PCDHGA1: variants seen among roughly 807,000 people sequenced by gnomAD.
PCDHGA1 encodes the protein protocadherin gamma-A1.
In PCDHGA1, 32 loss-of-function variants were observed where a neutral mutation model predicts 58.0. The ratio of observed to expected loss-of-function variants is 0.55; its 90% CI spans 0.42 to 0.74. The LOEUF is 0.74. PCDHGA1 is among the 30% of genes least tolerant of loss of function. The pLI, the probability that PCDHGA1 is intolerant of heterozygous loss-of-function variation, is 0.00. For missense variants in PCDHGA1, 1,205 were observed against 1,182.3 expected, an observed-to-expected ratio of 1.02 and a Z score of -0.28; for synonymous variants, 498 against 501.1, an observed-to-expected ratio of 0.99 and a Z score of 0.08.
chr5:141,356,135 CTGGATTCTATGACA>C (rs779609652), intron 1 of PCDHGA1: 2 of 1,613,762 alleles, frequency 1.2e-6, no homozygotes, highest in Non-Finnish European at 1.7e-6. Context: ...TATGAGGACT[CTGGATTCTATGACA>C]TAGATGTAGA....
chr5:141,405,770 G>A (rs989163026), intron 1 of PCDHGA1, among the ~76,000 whole-genome samples: 9 of 152,030 alleles, frequency 5.9e-5, no homozygotes, highest in South Asian at 4.2e-4. Flanking sequence ...GAGCCACTGC[G>A]CCTGGCCCTT....
intron 1 of PCDHGA1, chr5:141,340,583 G>A (rs749787210): frequency 1.9e-6 from 3 of 1,614,102 alleles, no homozygotes; most frequent in East Asian, 2.2e-5. Context: ...GCGGGACAGC[G>A]GGAACCCTCC....
At chr5:141,359,971 G>C (rs1203872365) in intron 1 of PCDHGA1, 1 of 696,752 alleles carries the variant, frequency 1.4e-6, no homozygotes, top group East Asian at 3.0e-5. Context: ...GAAGCGTTTG[G>C]GAGCCTCTTA....
chr5:141,431,904 T>A lies in PCDHGA1; in HGVS notation c.2422-62903T>A. On this transcript the variant is annotated intron_variant, in intron 1 of 3. Transcript: ENST00000517417. The surrounding 1 kb of genome is among the most constrained non-coding windows in gnomAD (Gnocchi z 4.8). ...CAAGATTCTGAGGAAAACGGACAGG[T>A]GATCTGTTTCATCCAAGGAAATCTG... is the stretch of plus-strand genomic sequence containing the variant. 1 of 1,613,846 alleles carries A rather than the reference T, an allele frequency of 6.2e-7. No individual in the cohort carries two copies. Among genetic ancestry groups the A allele is most frequent in the Non-Finnish European group, 8.5e-7 (1 of 1,179,708 alleles).
Position 141,409,997 on chromosome 5 carries a change from G to A in PCDHGA1, c.2421+76892G>A. 1.9e-6 allele frequency: 3 copies of A among 1,613,224 alleles called. No homozygotes were observed. The African/African-American group carries it at 4.0e-5, about 22-fold the overall frequency. ...GGTGGTAGCGGTGGACGCCGACTCG[G>A]GACACAACGCCTGGCTGTCCTACCA... On this transcript the variant is annotated intron_variant, in intron 1 of 3. Coordinates refer to ENST00000517417, the MANE Select transcript of PCDHGA1 (RefSeq NM_018912.3).
At chr5:141,418,147 C>A (rs781655205) in intron 1 of PCDHGA1, 3 of 1,614,040 alleles carry the variant, frequency 1.9e-6, no homozygotes, top group Non-Finnish European at 2.5e-6. Flanking sequence ...AGCAAATATG[C>A]AAAGAGAGAA....
intron 2 of PCDHGA1, among the ~76,000 whole-genome samples, chr5:141,496,753 A>G (rs2099771084): frequency 6.6e-6 from 1 of 152,166 alleles, no homozygotes; most frequent in Admixed American, 6.5e-5. Flanking sequence ...TTCAACAAAT[A>G]TTTATCGAGC....
intron 1 of PCDHGA1, among the ~76,000 whole-genome samples, chr5:141,452,542 C>T (rs2098743637): frequency 6.6e-6 from 1 of 152,180 alleles, no homozygotes; most frequent in Admixed American, 6.6e-5. Flanking sequence ...CATATTGATA[C>T]CTCCAGTTCT....
intron 1 of PCDHGA1, chr5:141,492,006 G>T (rs2099736069): frequency 7.8e-6 from 5 of 643,420 alleles, no homozygotes; most frequent in Non-Finnish European, 1.3e-5. Context: ...GGCGATTTCC[G>T]CGGGTGTCGG....
rs994009107 is a variant in PCDHGA1 at position 141,490,364 on chromosome 5, G to A, written c.2422-4443G>A. ...ACAGTAGTGGGGTTGTTTAATGTGC[G>A]AGACCGGGACTCAGGTAGAAATGGT... On this transcript the variant is annotated intron_variant, in intron 1 of 3. Transcript: ENST00000517417. The surrounding 1 kb of genome is among the most constrained non-coding windows in gnomAD (Gnocchi z 5.4). 7 of 1,614,056 alleles carry A rather than the reference G, an allele frequency of 4.3e-6. No individual in the cohort carries two copies. In the African/African-American group the frequency reaches 5.3e-5, roughly 12 times the overall value.
chr5:141,439,363 A>G (rs922889903), intron 1 of PCDHGA1, among the ~76,000 whole-genome samples: 2 of 152,208 alleles, frequency 1.3e-5, no homozygotes, highest in African/African-American at 2.4e-5. Context: ...TCAAACATCA[A>G]GAAGAAATAA....
chr5:141,422,349 T>G, intron 1 of PCDHGA1: 1 of 1,554,722 alleles, frequency 6.4e-7, no homozygotes, highest in South Asian at 1.3e-5. Flanking sequence ...ATGTGCAAGA[T>G]CAAGATTCTG....
intron 1 of PCDHGA1, chr5:141,405,547 G>A (rs2094685057): frequency 1.6e-6 from 1 of 629,986 alleles, no homozygotes; most frequent in Non-Finnish European, 2.7e-6. Context: ...AGCCTCCCAA[G>A]TAGAGTAGCT....
intron 1 of PCDHGA1, chr5:141,413,606 TA>T (rs778210256): frequency 6.8e-6 from 11 of 1,613,848 alleles, no homozygotes; most frequent in Admixed American, 5.0e-5. Context: ...AATCTAGACG[TA>T]AAAATTAATG....
At chr5:141,383,393 A>G in intron 1 of PCDHGA1, 1 of 1,613,922 alleles carries the variant, frequency 6.2e-7, no homozygotes, top group Non-Finnish European at 8.5e-7. Context: ...GTGGGCACGA[A>G]CTCCCTCCAG....
intron 1 of PCDHGA1, among the ~76,000 whole-genome samples, chr5:141,397,615 C>A (rs2093545668): frequency 6.6e-6 from 1 of 152,144 alleles, no homozygotes; most frequent in Admixed American, 6.5e-5. Context: ...AAGGGCAATA[C>A]TTAGTTCTAG....
intron 1 of PCDHGA1, among the ~76,000 whole-genome samples, chr5:141,481,794 A>C (rs1433830305): frequency 6.6e-6 from 1 of 152,136 alleles, no homozygotes; most frequent in East Asian, 1.9e-4. Context: ...TCTACTAAAA[A>C]TACAAAAATT....
At chr5:141,389,142 G>A (rs72790030) in intron 1 of PCDHGA1, 42,481 of 1,613,950 alleles carry the variant, frequency 0.026, 745 homozygotes, top group East Asian at 0.04. Flanking sequence ...CAATATAACC[G>A]TTACGGCAAC....
chr5:141,490,576 G>T lies in PCDHGA1; in HGVS notation c.2422-4231G>T. On this transcript the variant is annotated intron_variant, in intron 1 of 3. Transcript: ENST00000517417. The surrounding 1 kb of genome is among the most constrained non-coding windows in gnomAD (Gnocchi z 5.4). ...TCTCACCATCAGGCTCAACATTTCA[G>T]ATGTCAATGACAATGCACCCCGCTT... 2.5e-6 allele frequency: 4 copies of T among 1,614,134 alleles called. No homozygotes were observed. The highest frequency in any genetic ancestry group is 3.4e-6 in the Non-Finnish European group (4 of 1,180,030).
Sources: gnomAD v4.1 joint callset for allele counts (sites outside exome capture counted in the v4.1 genomes callset) on GRCh38, gnomAD v4.1.1 for gene constraint, Gnocchi (gnomAD v3.1) non-coding constraint, MANE v1.5 for transcripts, NCBI Gene and HGNC (gene_info 2026-07-23, HGNC 2026-07-21) for gene names.